DENND1C: variants seen among roughly 807,000 people sequenced by gnomAD.
The protein encoded by DENND1C is DENN domain containing 1C.
DENND1C carries 64 observed loss-of-function variants against 87.9 expected under a neutral mutation model. That is an observed-to-expected ratio of 0.73 (90% CI 0.60 to 0.90). The LOEUF (loss-of-function observed/expected upper bound fraction) is 0.90, where lower values mean the gene tolerates loss of function less well. DENND1C is among the 40% of genes least tolerant of loss of function. The probability of loss-of-function intolerance (pLI) is 0.00; values close to 1 mark genes in which losing one functional copy is unlikely to be tolerated. For synonymous variants in DENND1C, 384 were observed against 424.4 expected (o/e 0.90, Z 1.17); for missense variants, 980 against 1,037.0 (o/e 0.95, Z 0.76).
At chr19:6,473,309 C>A (rs1250538436) in intron 14 of DENND1C, among the ~76,000 whole-genome samples, 2 of 151,918 alleles carry the variant, frequency 1.3e-5, no homozygotes, top group Admixed American at 6.6e-5. Context: ...CACGTGCCAC[C>A]ATGTCCAGCT....
At position 6,477,146 on chromosome 19, in the gene DENND1C, G is replaced by A. The variant is rs2092866230; in HGVS notation, c.514-19C>T. 6.2e-7 allele frequency: 1 copy of A among 1,600,824 alleles called. No individual in the cohort carries two copies. Among genetic ancestry groups the A allele is most frequent in the Non-Finnish European group, 8.5e-7 (1 of 1,173,772 alleles). ...AGGAAAGCTGGTGGGGGTATTGGCA[G>A]GGGGATCAATCAGTCAGGAGGCTGG... On this transcript the variant is annotated intron_variant, in intron 8 of 22. Coordinates refer to ENST00000381480, the MANE Select transcript of DENND1C (RefSeq NM_024898.4).
intron 15 of DENND1C, among the ~76,000 whole-genome samples, chr19:6,472,301 C>T (rs968085409): frequency 6.6e-6 from 1 of 152,166 alleles, no homozygotes; most frequent in African/African-American, 2.4e-5. Flanking sequence ...TAGGGACCTG[C>T]GAATTTGGTC....
rs751500974 is a variant in DENND1C at position 6,467,640 on chromosome 19, G to A, written c.2270C>T (p.Ala757Val). The A allele has an allele frequency of 6.5e-7, 1 of 1,544,258 alleles. No homozygotes were observed. Among genetic ancestry groups the A allele is most frequent in the East Asian group, 2.3e-5 (1 of 43,840 alleles). Residue 757 changes from alanine (A) to valine (V), a missense_variant, in exon 23 of 23, where the codon GCA (alanine) becomes GTA (valine). Coordinates refer to ENST00000381480, the MANE Select transcript of DENND1C (RefSeq NM_024898.4). Reference sequence around the variant, plus strand: ...CCGTGGCTGGAGGTGAGCGCGCTCTGCCAGCAGGGCTTTGGGAGGCCGGGC... The same window carrying A: ...CCGTGGCTGGAGGTGAGCGCGCTCTACCAGCAGGGCTTTGGGAGGCCGGGC... ...PRARPPKALL[A>V]ERAHLQPREE...
At chr19:6,472,811 C>G (rs1490645579) in intron 15 of DENND1C, 78 bp downstream of exon 15, 4 of 1,253,530 alleles carry the variant, frequency 3.2e-6, no homozygotes, top group Non-Finnish European at 4.2e-6. Flanking sequence ...TGCCCTCAAC[C>G]CTGCCAGTTC....
chr19:6,475,320 T>C lies in DENND1C; in HGVS notation c.1007A>G (p.Gln336Arg). ...EGVSRLFLKA[Q>R]ALLFGGYRDA... Reference sequence around the variant, plus strand: ...GCGGTACCCCCCGAAGAGCAGGGCCTGGGCTTTGAGGAAGAGACGGGACAC... The same window carrying C: ...GCGGTACCCCCCGAAGAGCAGGGCCCGGGCTTTGAGGAAGAGACGGGACAC... The change falls in exon 14 of 23, where the codon CAG becomes CGG. Residue 336 changes from glutamine (Q) to arginine (R), a missense_variant. By Grantham distance (43) the Gln-to-Arg change is conservative. Transcript: ENST00000381480. The C allele has an allele frequency of 6.2e-7, 1 of 1,613,324 alleles. No homozygotes were observed. The highest frequency in any genetic ancestry group is 8.5e-7 in the Non-Finnish European group (1 of 1,179,780).
Position 6,467,874 on chromosome 19 carries a change from A to G in DENND1C, c.2036T>C (p.Leu679Pro), listed in dbSNP as rs2145168431. Reference sequence around the variant, plus strand: ...GTGGGAAGGGGTGAGATGAAGAATTAGGGGCTCTGTGAGAGGAGAGGGTTT... The same window carrying G: ...GTGGGAAGGGGTGAGATGAAGAATTGGGGGCTCTGTGAGAGGAGAGGGTTT... ...DPKPSPLTEPLILHLTPSHKA... is the reference protein window; with the variant it reads ...DPKPSPLTEPPILHLTPSHKA... Residue 679 changes from leucine to proline, a missense_variant, in exon 23 of 23, where the codon CTA becomes CCA. By Grantham distance (98) the Leu-to-Pro change is moderately conservative. Coordinates refer to ENST00000381480, the MANE Select transcript of DENND1C (RefSeq NM_024898.4). 6.2e-7 allele frequency: 1 copy of G among 1,608,450 alleles called. No individual in the cohort carries two copies. Among genetic ancestry groups the G allele is most frequent in the East Asian group, 2.2e-5 (1 of 44,852 alleles).
chr19:6,468,929 C>A lies in DENND1C; in HGVS notation c.1432G>T (p.Gly478Trp), dbSNP rs775041449. 1 of 1,466,700 alleles carries A rather than the reference C, an allele frequency of 6.8e-7. No individual in the cohort carries two copies. The highest frequency in any genetic ancestry group is 9.0e-7 in the Non-Finnish European group (1 of 1,112,850). 90.9% of individuals were successfully genotyped at this position (1,466,700 alleles called of 1,614,324 possible). Residue 478 changes from glycine (G) to tryptophan (W), a missense_variant, in exon 20 of 23, where the codon GGG becomes TGG. Coordinates refer to ENST00000381480, the MANE Select transcript of DENND1C (RefSeq NM_024898.4). ...YKDGDSVLQRGGSLRAPALPS... is the reference protein window; with the variant it reads ...YKDGDSVLQRWGSLRAPALPS... ...AGGGCTGGGGCCCTCAGAGAGCCCC[C>A]CCTCTGCAGGACAGAGTCCCCATCC...
intron 6 of DENND1C, 44 bp downstream of exon 6, chr19:6,478,738 TG>T: frequency 6.4e-7 from 1 of 1,570,540 alleles, no homozygotes; most frequent in South Asian, 1.2e-5. Flanking sequence ...TTGAGGGGGG[TG>T]GGGGCTGGGA....
rs1293114727 is a variant in DENND1C at position 6,479,041 on chromosome 19, G to T, written c.192C>A (p.Pro64=). 2 of 1,613,828 alleles carry T rather than the reference G, an allele frequency of 1.2e-6. No homozygotes were observed. The highest frequency in any genetic ancestry group is 1.1e-5 in the South Asian group (1 of 91,088). ...PFDVEREPPS[P]AVQHFTFALT... is the part of the protein sequence containing the mutation. The stretch of plus-strand genomic sequence containing the variant: ...GGGCGAAGGTGAAATGCTGCACGGC[G>T]GGGCTGGGGGGCTCCCTGGAGTGGG... The change falls in exon 5 of 23, where the codon CCC becomes CCA. Residue 64 remains proline, a synonymous_variant. Transcript: ENST00000381480.
Position 6,477,207 on chromosome 19 carries a change from G to A in DENND1C, c.513+11C>T, listed in dbSNP as rs1417762264. The A allele has an allele frequency of 1.3e-6, 2 of 1,589,048 alleles. No homozygotes were observed. The highest frequency in any genetic ancestry group is 1.7e-6 in the Non-Finnish European group (2 of 1,168,166). ...ACCCCCGACCTTCCAGGGTCCCCGAGCCCCGCTCACCGGCTTGCTATTCCC... is the reference window on the plus strand; with the variant it reads ...ACCCCCGACCTTCCAGGGTCCCCGAACCCCGCTCACCGGCTTGCTATTCCC... On this transcript the variant is annotated intron_variant, in intron 8 of 22. Coordinates refer to ENST00000381480, the MANE Select transcript of DENND1C (RefSeq NM_024898.4).
In DENND1C at chr19:6,467,950, G is replaced by C; in HGVS notation, c.1960C>G (p.Pro654Ala). Residue 654 changes from proline (P) to alanine (A), a missense_variant, in exon 23 of 23, where the codon CCA becomes GCA. Pro to Ala is a conservative substitution (Grantham distance 27). Coordinates refer to ENST00000381480, the MANE Select transcript of DENND1C (RefSeq NM_024898.4). Reference sequence around the variant, plus strand: ...GCAGAAGCTGTTGAGGACTGGGATGGAGACGTGACTTCTTGGTCGGACTCT... The same window carrying C: ...GCAGAAGCTGTTGAGGACTGGGATGCAGACGTGACTTCTTGGTCGGACTCT... ...PSESDQEVTS[P>A]SQSSTASADP... The C allele has an allele frequency of 6.2e-7, 1 of 1,613,908 alleles. No individual in the cohort carries two copies. Among genetic ancestry groups the C allele is most frequent in the Non-Finnish European group, 8.5e-7 (1 of 1,179,858 alleles).
intron 1 of DENND1C, among the ~76,000 whole-genome samples, chr19:6,481,228 C>A (rs993570425): frequency 1.3e-5 from 2 of 151,820 alleles, no homozygotes; most frequent in African/African-American, 2.4e-5. Context: ...ATCAGCTGCA[C>A]ACACACTGTC....
In DENND1C at chr19:6,467,799, G is replaced by A. The variant is rs1303451046; in HGVS notation, c.2111C>T (p.Ser704Phe). Residue 704 changes from serine to phenylalanine, a missense_variant, in exon 23 of 23, where the codon TCC becomes TTC. Ser to Phe is a radical substitution (Grantham distance 155, BLOSUM62 -2). Coordinates refer to ENST00000381480, the MANE Select transcript of DENND1C (RefSeq NM_024898.4). ...AGGGCTGGGCTCAGTGGGTGCAGTG[G>A]AGAGCCAGGGAGTGGGGTTTTCCTG... ...TAQENPTPWL[S>F]TAPTEPSPPE... The A allele has an allele frequency of 2.0e-6, 3 of 1,537,024 alleles. No homozygotes were observed. The highest frequency in any genetic ancestry group is 2.8e-5 in the African/African-American group (2 of 72,288).
intron 14 of DENND1C, among the ~76,000 whole-genome samples, chr19:6,473,816 G>GGGGGGGGGGGGGGGGGGGA (rs1231177042): frequency 3.0e-5 from 4 of 131,580 alleles, no homozygotes; most frequent in Non-Finnish European, 4.8e-5. Context: ...GGGGGGTGGG[G>GGGGGGGGGGGGGGGGGGGA]GGAGGGAAAT....
In DENND1C at chr19:6,479,431, G is replaced by T. The variant is rs114730473; in HGVS notation, c.176+238C>A. On this transcript the variant is annotated intron_variant, in intron 4 of 22. Transcript: ENST00000381480. ...GAGTCCTTGAGTCTCTGAGTCCCTGGGTCCCTGGGTCCCTGGGTTCCTGAG... is the reference window on the plus strand; with the variant it reads ...GAGTCCTTGAGTCTCTGAGTCCCTGTGTCCCTGGGTCCCTGGGTTCCTGAG... 5.4e-4 allele frequency among the ~76,000 whole-genome samples: 76 copies of T among 142,044 alleles called. 2 individuals carry two copies. Among genetic ancestry groups the T allele is most frequent in the African/African-American group, 2.1e-3 (71 of 33,130 alleles). The allele number at this position is 142,044 out of a possible 152,430, so 93.2% of individuals were successfully genotyped here. A position where few individuals can be genotyped will look rare whatever the true frequency, so the allele number is the denominator to read the frequency against.
Position 6,471,146 on chromosome 19 carries a change from A to C in DENND1C, c.1290+119T>G. On this transcript the variant is annotated intron_variant, in intron 17 of 22. Transcript: ENST00000381480. The stretch of plus-strand genomic sequence containing the variant: ...TTTTCAGTAGAGATGGGGTTTCGTC[A>C]CGTTGCCCTAACCGGTCTCAAACTT... 2.9e-6 allele frequency: 4 copies of C among 1,388,026 alleles called. No individual in the cohort carries two copies. In the East Asian group the frequency reaches 7.5e-5, roughly 26 times the overall value. The allele number at this position is 1,388,026 out of a possible 1,614,324, so 86.0% of individuals were successfully genotyped here.
chr19:6,480,913 A>G (rs1007529345), intron 1 of DENND1C, among the ~76,000 whole-genome samples: 2 of 151,698 alleles, frequency 1.3e-5, no homozygotes, highest in African/African-American at 2.4e-5. Flanking sequence ...CATGCCATCT[A>G]TATTTTCTTG....
rs141509845 is a variant in DENND1C, at chr19:6,479,052, G to T, written c.181C>A (p.Pro61Thr). Residue 61 changes from proline (P) to threonine (T), a missense_variant, in exon 5 of 23, where the codon CCC (proline) becomes ACC (threonine). Pro to Thr is a conservative substitution (Grantham distance 38, BLOSUM62 -1). Transcript: ENST00000381480. Reference protein sequence around the residue: ...FCFPFDVEREPPSPAVQHFTF... With the variant: ...FCFPFDVERETPSPAVQHFTF... ...AAATGCTGCACGGCGGGGCTGGGGG[G>T]CTCCCTGGAGTGGGAAGGGCTGTTA... 2 of 1,613,872 alleles carry T rather than the reference G, an allele frequency of 1.2e-6. No homozygotes were observed. Among genetic ancestry groups the T allele is most frequent in the East Asian group, 4.5e-5 (2 of 44,882 alleles).
At chr19:6,480,984 G>A (rs1479057317) in intron 1 of DENND1C, among the ~76,000 whole-genome samples, 1 of 151,890 alleles carries the variant, frequency 6.6e-6, no homozygotes, top group Non-Finnish European at 1.5e-5. Flanking sequence ...CTGTACAGCT[G>A]TGAGTGTCAC....
Sources: allele counts gnomAD v4.1 joint callset (sites outside exome capture counted in the v4.1 genomes callset), GRCh38; gene constraint gnomAD v4.1.1; transcripts MANE v1.5; gene names NCBI Gene and HGNC (gene_info 2026-07-23, HGNC 2026-07-21).